The following ZNF782 variants were observed in gnomAD, a reference collection of about 807,000 sequenced individuals.
The protein encoded by ZNF782 is zinc finger protein 782.
A neutral mutation model predicts 13.0 loss-of-function variants in ZNF782; 12 were observed. The observed-to-expected ratio is 0.92, with a 90% confidence interval of 0.59 to 1.50. ZNF782 has a LOEUF of 1.50. ZNF782 is among the 40% of genes most tolerant of loss of function. ZNF782 has a pLI of 0.00. For missense variants in ZNF782, 770 were observed against 822.9 expected (o/e 0.94, Z 0.79); for synonymous variants, 284 against 283.0 (o/e 1.00, Z -0.04).
In ZNF782 at chr9:96,817,349, G is replaced by A. The variant is rs1478377325; in HGVS notation, c.*574C>T. 1 of 152,366 alleles carries A rather than the reference G, an allele frequency of 6.6e-6. No individual in the cohort carries two copies. Among genetic ancestry groups the A allele is most frequent in the Middle Eastern group, 3.4e-3 (1 of 294 alleles). 9.4% of individuals were successfully genotyped at this position (152,366 alleles called of 1,614,324 possible). ...GTGAACATTTCAATAGTTATTATAC[G>A]ACATATAGGGATTACCTCTGTGTAG... On this transcript the variant is annotated 3_prime_UTR_variant, in exon 6 of 6. Coordinates refer to ENST00000481138, the MANE Select transcript of ZNF782 (RefSeq NM_001001662.3).
At chr9:96,829,359 T>C (rs1850726946) in intron 4 of ZNF782, among the ~76,000 whole-genome samples, 1 of 152,122 alleles carries the variant, frequency 6.6e-6, no homozygotes. Flanking sequence ...TTATAATATA[T>C]AAATAGCACA....
intron 5 of ZNF782, among the ~76,000 whole-genome samples, chr9:96,825,062 G>C (rs1297514084): frequency 6.6e-6 from 1 of 151,046 alleles, no homozygotes; most frequent in Non-Finnish European, 1.5e-5. Context: ...CTACTTTAAA[G>C]TTCATATGGA....
At chr9:96,862,001 G>A (rs1851706730) in intron 1 of ZNF782, among the ~76,000 whole-genome samples, 1 of 152,182 alleles carries the variant, frequency 6.6e-6, no homozygotes. Flanking sequence ...CCAAGATTTG[G>A]AAGCATCCCG....
rs574885372 is a variant in ZNF782 at position 96,831,728 on chromosome 9, A to T, written c.143-4547T>A. Among the ~76,000 whole-genome samples the T allele has an allele frequency of 2.6e-5, 4 of 151,250 alleles. No homozygotes were observed. The South Asian group carries it at 6.3e-4, about 24-fold the overall frequency. On this transcript the variant is annotated intron_variant, in intron 4 of 5. Transcript: ENST00000481138. Reference sequence around the variant, plus strand: ...ACTCTGTCTCAAAAAAAAAAAAAAAATTGCTGTCTTCTTGGCAGACTGACA... The same window carrying T: ...ACTCTGTCTCAAAAAAAAAAAAAAATTTGCTGTCTTCTTGGCAGACTGACA...
upstream of ZNF782, among the ~76,000 whole-genome samples, chr9:96,855,822 G>C (rs1851633961): frequency 6.6e-6 from 1 of 152,200 alleles, no homozygotes; most frequent in East Asian, 1.9e-4. Context: ...GTTCTTTAAA[G>C]AATCTCCACA....
At chr9:96,930,523 CAAAA>C in the ZNF782 span, among the ~76,000 whole-genome samples, 1 of 61,618 alleles carries the variant, frequency 1.6e-5, no homozygotes, top group African/African-American at 6.0e-5. Context: ...GACTCCGTCT[CAAAA>C]AAAAAAAAAA....
Position 96,818,807 on chromosome 9 carries a change from T to C in ZNF782, c.1216A>G (p.Lys406Glu), listed in dbSNP as rs752643766. The change falls in exon 6 of 6, where the codon AAG becomes GAG. Residue 406 changes from lysine (K) to glutamate (E), a missense_variant. By Grantham distance (56) the Lys-to-Glu change is moderately conservative. Transcript: ENST00000481138. ...CPECGKAFSE[K>E]SRLRKHQRTH... ...CTCTGATGTTTTCTTAGGCGTGACT[T>C]CTCACTGAAGGCTTTCCCGCACTCA... is the stretch of plus-strand genomic sequence containing the variant. The C allele has an allele frequency of 1.3e-5, 21 of 1,613,970 alleles. No homozygotes were observed. In the Middle Eastern group the frequency reaches 6.6e-4, roughly 51 times the overall value.
chr9:96,865,944 G>A (rs1851749340), intron 1 of ZNF782, among the ~76,000 whole-genome samples: 2 of 152,206 alleles, frequency 1.3e-5, no homozygotes, highest in African/African-American at 4.8e-5. Context: ...GTATCTGGCA[G>A]AAGAAACTTC....
At chr9:96,931,613 A>C in the ZNF782 span, 1 of 1,086,294 alleles carries the variant, frequency 9.2e-7, no homozygotes. Context: ...TGCAAGCTGC[A>C]GAGTTTCCCT....
the ZNF782 span, among the ~76,000 whole-genome samples, chr9:96,932,982 T>C: frequency 2.0e-5 from 3 of 147,498 alleles, no homozygotes; most frequent in Admixed American, 6.7e-5. Context: ...TCTTTTCTTT[T>C]TTTTTTTTTT....
chr9:96,818,471 T>G lies in ZNF782; in HGVS notation c.1552A>C (p.Lys518Gln), dbSNP rs1292687366. 1.9e-6 allele frequency: 3 copies of G among 1,614,134 alleles called. No homozygotes were observed. Among genetic ancestry groups the G allele is most frequent in the South Asian group, 1.1e-5 (1 of 91,086 alleles). ...CTATGATGTTTCCTCAGGCCTGACT[T>G]CAGTTTGAAAGCTTTCCCACATTCA... ...CDECGKAFKL[K>Q]SGLRKHHRTH... The change falls in exon 6 of 6, where the codon AAG (lysine) becomes CAG (glutamine). Residue 518 changes from lysine to glutamine, a missense_variant. Coordinates refer to ENST00000481138, the MANE Select transcript of ZNF782 (RefSeq NM_001001662.3).
At chr9:96,881,806 A>G in the ZNF782 span, among the ~76,000 whole-genome samples, 1 of 152,088 alleles carries the variant, frequency 6.6e-6, no homozygotes, top group Admixed American at 6.5e-5. Flanking sequence ...ATATCACACT[A>G]TCGTAAATAC....
At chr9:96,907,799 C>T in the ZNF782 span, among the ~76,000 whole-genome samples, 1 of 151,870 alleles carries the variant, frequency 6.6e-6, no homozygotes, top group African/African-American at 2.4e-5. Context: ...TGCCACCACA[C>T]CCGGCTAATT....
At chr9:96,922,571 G>C in the ZNF782 span, among the ~76,000 whole-genome samples, 1 of 152,308 alleles carries the variant, frequency 6.6e-6, no homozygotes, top group Non-Finnish European at 1.5e-5. Flanking sequence ...AGGAGATCGA[G>C]ACCATCCTGG....
chr9:96,920,829 C>T, the ZNF782 span, among the ~76,000 whole-genome samples: 2 of 150,066 alleles, frequency 1.3e-5, no homozygotes, highest in African/African-American at 5.0e-5. Context: ...GGAGGAGAAT[C>T]GCTTGAACCC....
chr9:96,823,759 C>A (rs1045002777), intron 5 of ZNF782, among the ~76,000 whole-genome samples: 16 of 152,180 alleles, frequency 1.1e-4, no homozygotes, highest in African/African-American at 3.1e-4. Context: ...ATAGCATTTT[C>A]TCTTAATAGG....
chr9:96,890,787 G>C, the ZNF782 span: 3 of 152,182 alleles, frequency 2.0e-5, no homozygotes, highest in Non-Finnish European at 4.4e-5. Flanking sequence ...GTTAAATGCA[G>C]AATTACCATA....
At chr9:96,826,240 T>C (rs1850615588) in intron 5 of ZNF782, among the ~76,000 whole-genome samples, 1 of 152,236 alleles carries the variant, frequency 6.6e-6, no homozygotes, top group East Asian at 1.9e-4. Flanking sequence ...TGAGTTCATG[T>C]CCTTTGTAGG....
At chr9:96,903,769 C>T in the ZNF782 span, among the ~76,000 whole-genome samples, 20 of 151,218 alleles carry the variant, frequency 1.3e-4, no homozygotes, top group East Asian at 3.3e-3. Context: ...TCACCGTGTT[C>T]GCCAGGATGG....
Sources: gnomAD v4.1 joint callset for allele counts (sites outside exome capture counted in the v4.1 genomes callset) on GRCh38, gnomAD v4.1.1 for gene constraint, MANE v1.5 for transcripts, NCBI Gene and HGNC (gene_info 2026-07-23, HGNC 2026-07-21) for gene names.